The following RSPH3 variants were observed in gnomAD, a reference collection of about 807,000 sequenced individuals.
The protein encoded by RSPH3 is radial spoke head 3, also known as radial spoke head protein 3 homolog.
In RSPH3, 21 loss-of-function variants were observed where a neutral mutation model predicts 43.8. The observed-to-expected ratio is 0.48, with a 90% CI of 0.34 to 0.69. The LOEUF is 0.69. Among genes scored for constraint, RSPH3 ranks in the 30% least tolerant of loss-of-function variants. RSPH3 has a pLI of 0.01. For synonymous variants in RSPH3, 173 were observed against 179.8 expected, an observed-to-expected ratio of 0.96 and a Z score of 0.30; for missense variants, 487 against 516.0, an observed-to-expected ratio of 0.94 and a Z score of 0.54.
chr6:158,967,449 G>T, the RSPH3 span, among the ~76,000 whole-genome samples: 1 of 151,990 alleles, frequency 6.6e-6, no homozygotes, highest in Non-Finnish European at 1.5e-5. Context: ...TAAATGTATT[G>T]TGATTGGAGA....
intron 2 of RSPH3, among the ~76,000 whole-genome samples, chr6:158,992,047 A>C (rs1583721432): frequency 7.2e-6 from 1 of 138,900 alleles, no homozygotes; most frequent in South Asian, 2.3e-4. Flanking sequence ...GCTAATGAGC[A>C]CTGTTTTTTT....
chr6:158,983,726 G>T lies in RSPH3; in HGVS notation c.428C>A (p.Pro143Gln), dbSNP rs1465491330. ...TTTGGCAGGAATAAAGAGTGGTGTTGGTGGTCTGTCCAAAAATGCATCTGT... is the reference window on the plus strand; with the variant it reads ...TTTGGCAGGAATAAAGAGTGGTGTTTGTGGTCTGTCCAAAAATGCATCTGT... Reference protein sequence around the residue: ...CQTDAFLDRPPTPLFIPAKTG... With the variant: ...CQTDAFLDRPQTPLFIPAKTG... Residue 143 changes from proline to glutamine, a missense_variant, in exon 4 of 8, where the codon CCA (proline) becomes CAA (glutamine). By Grantham distance (76) the Pro-to-Gln change is moderately conservative (BLOSUM62 -1). Coordinates refer to ENST00000367069, the MANE Select transcript of RSPH3 (RefSeq NM_031924.8). 6.2e-7 allele frequency: 1 copy of T among 1,612,488 alleles called. No homozygotes were observed. The highest frequency in any genetic ancestry group is 2.2e-5 in the East Asian group (1 of 44,874).
chr6:158,998,341 C>A (rs1239353138), intron 1 of RSPH3, among the ~76,000 whole-genome samples: 47 of 143,060 alleles, frequency 3.3e-4, no homozygotes, highest in African/African-American at 1.0e-3. Flanking sequence ...TGGTGGCGGG[C>A]GCCTGTAGTC....
At chr6:158,980,753 C>G (rs756716433) in intron 6 of RSPH3, 21 bp downstream of exon 6, 3 of 1,593,564 alleles carry the variant, frequency 1.9e-6, no homozygotes, top group Admixed American at 1.7e-5. Flanking sequence ...CAAAATTAAT[C>G]TAACAAAAAT....
At position 158,975,879 on chromosome 6, in the gene RSPH3, G is replaced by C. The variant is rs545992496; in HGVS notation, c.*1659C>G. The C allele has an allele frequency of 6.6e-6, 1 of 152,284 alleles. No individual in the cohort carries two copies. Among genetic ancestry groups the C allele is most frequent in the East Asian group, 1.9e-4 (1 of 5,184 alleles). The allele number at this position is 152,284 out of a possible 1,614,324, so 9.4% of individuals were successfully genotyped here. A position where few individuals can be genotyped will look rare whatever the true frequency, so the allele number is the denominator to read the frequency against. ...AATCACTACGTTTATATATGTGTAA[G>C]TATTTTGCGAAAAACAGACTCAGCC... On this transcript the variant is annotated 3_prime_UTR_variant, in exon 8 of 8. Coordinates refer to ENST00000367069, the MANE Select transcript of RSPH3 (RefSeq NM_031924.8).
At chr6:158,999,284 G>T in intron 1 of RSPH3, 151 bp downstream of exon 1, 2 of 657,358 alleles carry the variant, frequency 3.0e-6, no homozygotes, top group Non-Finnish European at 4.7e-6. Context: ...CCACACCACG[G>T]GAGATTCCTT....
At chr6:158,969,617 C>T (rs1456444412), downstream of RSPH3, among the ~76,000 whole-genome samples, 1 of 152,192 alleles carries the variant, frequency 6.6e-6, no homozygotes, top group African/African-American at 2.4e-5. Flanking sequence ...TCTCTTCTCT[C>T]CTCTCCTTCT....
At chr6:158,998,438 C>T (rs1778692195) in intron 1 of RSPH3, among the ~76,000 whole-genome samples, 1 of 136,488 alleles carries the variant, frequency 7.3e-6, no homozygotes, top group Non-Finnish European at 1.6e-5. Flanking sequence ...CACTGCACTC[C>T]AGCCTGGGCG....
At chr6:158,996,150 G>A (rs1778587514) in intron 1 of RSPH3, among the ~76,000 whole-genome samples, 1 of 152,090 alleles carries the variant, frequency 6.6e-6, no homozygotes, top group Admixed American at 6.6e-5. Context: ...TAAAAAAAAG[G>A]TATGTTCTAA....
chr6:158,987,711 AC>A (rs1778280416), intron 2 of RSPH3, among the ~76,000 whole-genome samples: 1 of 152,212 alleles, frequency 6.6e-6, no homozygotes, highest in African/African-American at 2.4e-5. Context: ...ATCTTAGATC[AC>A]AAAGAACAGA....
chr6:158,982,425 G>T lies in RSPH3; in HGVS notation c.696+60C>A. On this transcript the variant is annotated intron_variant, in intron 5 of 7. Coordinates refer to ENST00000367069, the MANE Select transcript of RSPH3 (RefSeq NM_031924.8). ...ATGATATATCATCACATGTAATTTT[G>T]AACATAATATGCTAACTAGCCAAAA... 3 of 1,050,578 alleles carry T rather than the reference G, an allele frequency of 2.9e-6. No homozygotes were observed. In the South Asian group the frequency reaches 4.6e-5, roughly 16 times the overall value. The allele number at this position is 1,050,578 out of a possible 1,614,324, so 65.1% of individuals were successfully genotyped here.
At chr6:158,971,978 G>A (rs1166216276), downstream of RSPH3, among the ~76,000 whole-genome samples, 2 of 152,082 alleles carry the variant, frequency 1.3e-5, no homozygotes, top group Non-Finnish European at 2.9e-5. Context: ...AGGAATAATT[G>A]GGAAGAGTGG....
At chr6:158,982,104 A>G (rs1778051078) in intron 5 of RSPH3, among the ~76,000 whole-genome samples, 1 of 152,080 alleles carries the variant, frequency 6.6e-6, no homozygotes, top group African/African-American at 2.4e-5. Context: ...TCTCTCTCCA[A>G]TACATTCACT....
In RSPH3 at chr6:158,974,096, C is replaced by T. The variant is rs1299855181; in HGVS notation, c.*3442G>A. 2 of 152,200 alleles carry T rather than the reference C, an allele frequency of 1.3e-5. No individual in the cohort carries two copies. The highest frequency in any genetic ancestry group is 2.9e-5 in the Non-Finnish European group (2 of 68,030). The allele number at this position is 152,200 out of a possible 1,614,324, so 9.4% of individuals were successfully genotyped here. A position where few individuals can be genotyped will look rare whatever the true frequency, so the allele number is the denominator to read the frequency against. Reference sequence around the variant, plus strand: ...CTGGGATTATAGGCGTAAGCCACCACACCCGGCCAGGAATGACAATTTCAA... The same window carrying T: ...CTGGGATTATAGGCGTAAGCCACCATACCCGGCCAGGAATGACAATTTCAA... On this transcript the variant is annotated 3_prime_UTR_variant, in exon 8 of 8. Transcript: ENST00000367069.
At chr6:158,981,484 C>T (rs1429855287) in intron 5 of RSPH3, among the ~76,000 whole-genome samples, 1 of 152,182 alleles carries the variant, frequency 6.6e-6, no homozygotes, top group Admixed American at 6.5e-5. Flanking sequence ...AATCTATTTT[C>T]AAACTTTAAA....
intron 1 of RSPH3, among the ~76,000 whole-genome samples, chr6:158,996,347 CTT>C (rs1778595808): frequency 6.6e-6 from 1 of 152,300 alleles, no homozygotes; most frequent in Middle Eastern, 3.4e-3. Context: ...ATTACATTCT[CTT>C]GTTTGTAAAT....
intron 1 of RSPH3, among the ~76,000 whole-genome samples, 159 bp downstream of exon 1, chr6:158,999,276 A>G (rs1778761422): frequency 6.6e-6 from 1 of 152,112 alleles, no homozygotes; most frequent in African/African-American, 2.4e-5. Flanking sequence ...TCACTCCTCC[A>G]CACCACGGGA....
chr6:158,968,136 G>A (rs575339146), downstream of RSPH3, among the ~76,000 whole-genome samples: 1 of 152,202 alleles, frequency 6.6e-6, no homozygotes, highest in South Asian at 2.1e-4. Context: ...CATGTCTTAT[G>A]TATTTTTTGT....
At chr6:158,971,152 T>A (rs1198538755), downstream of RSPH3, among the ~76,000 whole-genome samples, 1 of 152,188 alleles carries the variant, frequency 6.6e-6, no homozygotes, top group Non-Finnish European at 1.5e-5. Flanking sequence ...GCCTTTCTGC[T>A]CCTTTCAATA....
Sources: gnomAD v4.1 joint callset for allele counts (sites outside exome capture counted in the v4.1 genomes callset) on GRCh38, gnomAD v4.1.1 for gene constraint, MANE v1.5 for transcripts, NCBI Gene and HGNC (gene_info 2026-07-23, HGNC 2026-07-21) for gene names.